Variants in FSIP2 observed in about 807,000 individuals in gnomAD.
FSIP2 encodes fibrous sheath interacting protein 2, also known as fibrous sheath-interacting protein 2.
A neutral mutation model predicts 510.5 loss-of-function variants in FSIP2; 367 were observed. That is an observed-to-expected ratio of 0.72 (90% CI 0.66 to 0.78). The LOEUF is 0.78. Ranked by LOEUF, FSIP2 falls within the 30% of genes least tolerant of loss-of-function variation. The pLI, the probability that FSIP2 is intolerant of heterozygous loss-of-function variation, is 0.00. For synonymous variants in FSIP2, 2,601 were observed against 2,732.2 expected (o/e 0.95, Z 1.50); for missense variants, 7,594 against 7,901.7 (o/e 0.96, Z 1.48).
In FSIP2 at chr2:185,740,413, A is replaced by G. The variant is rs528802729; in HGVS notation, c.225+942A>G. 5 of 152,342 alleles carry G rather than the reference A, an allele frequency of 3.3e-5. No homozygotes were observed. In the East Asian group the frequency reaches 7.7e-4, roughly 23 times the overall value. 9.4% of individuals were successfully genotyped at this position (152,342 alleles called of 1,614,324 possible). ...TCCCCAGCCTTTGACTAAGTAGTCA[A>G]TGCTGAAGGAGGTTTAGTACATTCT... is the stretch of plus-strand genomic sequence containing the variant. On this transcript the variant is annotated intron_variant, in intron 2 of 22. Transcript: ENST00000424728.
chr2:185,819,826 T>C (rs952662999), intron 19 of FSIP2, among the ~76,000 whole-genome samples: 1 of 120,546 alleles, frequency 8.3e-6, no homozygotes, highest in African/African-American at 3.1e-5. Context: ...ATGTGTTAAA[T>C]GCATTTTCAA....
At chr2:185,752,780 T>C (rs1263611492) in intron 7 of FSIP2, among the ~76,000 whole-genome samples, 2 of 151,428 alleles carry the variant, frequency 1.3e-5, no homozygotes, top group Admixed American at 1.3e-4. Flanking sequence ...CATTTTTGAG[T>C]CCATTTCAGT....
chr2:185,802,937 T>C lies in FSIP2; in HGVS notation c.13631T>C (p.Val4544Ala). 1 of 1,515,846 alleles carries C rather than the reference T, an allele frequency of 6.6e-7. No homozygotes were observed. Among genetic ancestry groups the C allele is most frequent in the African/African-American group, 1.4e-5 (1 of 71,856 alleles). 93.9% of individuals were successfully genotyped at this position (1,515,846 alleles called of 1,614,324 possible). ...TCAGAAGATGATATTCAGCACCTTG[T>C]TGATTCAGTATTTGCAAATGTTGTG... is the stretch of plus-strand genomic sequence containing the variant. ...IYSEDDIQHL[V>A]DSVFANVVQT... Residue 4544 changes from valine (V) to alanine (A), a missense_variant, in exon 17 of 23, where the codon GTT becomes GCT. Coordinates refer to ENST00000424728, the MANE Select transcript of FSIP2 (RefSeq NM_173651.4).
chr2:185,746,477 T>C (rs2105533392), intron 5 of FSIP2, among the ~76,000 whole-genome samples, 192 bp from the exon 6 acceptor site: 1 of 152,180 alleles, frequency 6.6e-6, no homozygotes, highest in East Asian at 1.9e-4. Context: ...TTATAATAAG[T>C]AAAACATGGT....
intron 13 of FSIP2, among the ~76,000 whole-genome samples, chr2:185,768,930 C>T (rs911578793): frequency 6.6e-6 from 1 of 152,154 alleles, no homozygotes; most frequent in Non-Finnish European, 1.5e-5. Context: ...TGGCCTCCAG[C>T]TCCATCCATG....
chr2:185,746,185 T>C (rs749512229), intron 5 of FSIP2, among the ~76,000 whole-genome samples: 48 of 152,114 alleles, frequency 3.2e-4, no homozygotes, highest in Non-Finnish European at 6.6e-4. Context: ...ATAATACATA[T>C]TGATGTACCA....
At chr2:185,764,855 G>A (rs906740316) in intron 13 of FSIP2, 3 of 251,626 alleles carry the variant, frequency 1.2e-5, no homozygotes, top group African/African-American at 6.7e-5. Flanking sequence ...AATTTAGAAA[G>A]AGACTGCGTT....
At position 185,794,967 on chromosome 2, in the gene FSIP2, C is replaced by G; in HGVS notation, c.7831C>G (p.Gln2611Glu). ...ISQAYSYVDS[Q>E]NISVMENTLL... Reference sequence around the variant, plus strand: ...ACAGGCTTATTCTTATGTCGACAGTCAAAATATCTCTGTGATGGAAAACAC... The same window carrying G: ...ACAGGCTTATTCTTATGTCGACAGTGAAAATATCTCTGTGATGGAAAACAC... Residue 2611 changes from glutamine (Q) to glutamate (E), a missense_variant, in exon 16 of 23, where the codon CAA (glutamine) becomes GAA (glutamate). Coordinates refer to ENST00000424728, the MANE Select transcript of FSIP2 (RefSeq NM_173651.4). 1 of 1,533,270 alleles carries G rather than the reference C, an allele frequency of 6.5e-7. No homozygotes were observed. The highest frequency in any genetic ancestry group is 2.4e-5 in the East Asian group (1 of 40,844). 95.0% of individuals were successfully genotyped at this position (1,533,270 alleles called of 1,614,324 possible). A position where few individuals can be genotyped will look rare whatever the true frequency, so the allele number is the denominator to read the frequency against.
rs1464528436 is a variant in FSIP2 at position 185,802,447 on chromosome 2, G to A, written c.13141G>A (p.Ala4381Thr). Residue 4381 changes from alanine (A) to threonine (T), a missense_variant, in exon 17 of 23, where the codon GCT (alanine) becomes ACT (threonine). Transcript: ENST00000424728. ...ACTTGCCACCTCAGTTTATAGAAAT[G>A]CTTTAAAGCAGCATGGGCTAGACCT... The part of the protein sequence containing the change: ...DELATSVYRN[A>T]LKQHGLDLAV... The A allele has an allele frequency of 2.0e-6, 3 of 1,533,980 alleles. No homozygotes were observed. The African/African-American group carries it at 4.1e-5, about 21-fold the overall frequency.
intron 15 of FSIP2, 33 bp downstream of exon 15, chr2:185,786,321 A>T: frequency 5.7e-6 from 8 of 1,411,774 alleles, no homozygotes; most frequent in Non-Finnish European, 6.7e-6. Flanking sequence ...AGAAAGCAAC[A>T]TATTAGTCAT....
intron 8 of FSIP2, among the ~76,000 whole-genome samples, chr2:185,754,800 C>T (rs1450778956): frequency 6.6e-6 from 1 of 151,410 alleles, no homozygotes; most frequent in East Asian, 1.9e-4. Flanking sequence ...AAGTCCAATC[C>T]TGTTTCATCA....
rs141912708 is a variant in FSIP2, at chr2:185,757,857, G to A, written c.1078+1579G>A. On this transcript the variant is annotated intron_variant, in intron 9 of 22. Transcript: ENST00000424728. Reference sequence around the variant, plus strand: ...TGTACAATTACATGTATAAACAGATGTATAGATTTGTGTAACCAATATCAC... The same window carrying A: ...TGTACAATTACATGTATAAACAGATATATAGATTTGTGTAACCAATATCAC... Among the ~76,000 whole-genome samples, 39 of 151,356 alleles carry A rather than the reference G, an allele frequency of 2.6e-4. No individual in the cohort carries two copies. The East Asian group carries it at 7.4e-3, about 29-fold the overall frequency.
chr2:185,738,263 T>G, upstream of FSIP2: 1 of 276,172 alleles, frequency 3.6e-6, no homozygotes, highest in Non-Finnish European at 7.0e-6. Context: ...GCTGGATGGT[T>G]GAGGAGAAAG....
In FSIP2 at chr2:185,794,125, T is replaced by C. The variant is rs190341850; in HGVS notation, c.6989T>C (p.Phe2330Ser). The C allele has an allele frequency of 3.7e-5, 56 of 1,532,210 alleles. No individual in the cohort carries two copies. In the Admixed American group the frequency reaches 7.9e-4, roughly 22 times the overall value. The allele number at this position is 1,532,210 out of a possible 1,614,324, so 94.9% of individuals were successfully genotyped here. The part of the protein sequence containing the change: ...ILSQELTDFT[F>S]VGRREKLGST... ...AGCCAAGAGCTTACAGATTTCACTTTTGTTGGTCGCAGAGAAAAACTTGGA... is the reference window on the plus strand; with the variant it reads ...AGCCAAGAGCTTACAGATTTCACTTCTGTTGGTCGCAGAGAAAAACTTGGA... Residue 2330 changes from phenylalanine (F) to serine (S), a missense_variant, in exon 16 of 23, where the codon TTT (phenylalanine) becomes TCT (serine). By Grantham distance (155) the Phe-to-Ser change is radical. Transcript: ENST00000424728.
chr2:185,753,147 G>T lies in FSIP2; in HGVS notation c.871-575G>T, dbSNP rs931991109. 2.0e-5 allele frequency among the ~76,000 whole-genome samples: 3 copies of T among 151,288 alleles called. No individual in the cohort carries two copies. In the South Asian group the frequency reaches 6.2e-4, roughly 31 times the overall value. On this transcript the variant is annotated intron_variant, in intron 7 of 22. Coordinates refer to ENST00000424728, the MANE Select transcript of FSIP2 (RefSeq NM_173651.4). ...CATGTTTTCTATCCCTAGATAGGTT[G>T]CAGTGACTGTTTTCTCCAGTCCTTT...
intron 20 of FSIP2, among the ~76,000 whole-genome samples, chr2:185,827,525 C>T (rs551467947): frequency 9.2e-5 from 14 of 151,940 alleles, no homozygotes; most frequent in African/African-American, 2.9e-4. Flanking sequence ...TTAGCTGCTT[C>T]CCTTGCAGTG....
Position 185,806,656 on chromosome 2 carries a change from G to A in FSIP2, c.17350G>A (p.Ala5784Thr), listed in dbSNP as rs774274371. The A allele has an allele frequency of 1.0e-5, 16 of 1,603,086 alleles. No homozygotes were observed. The East Asian group carries it at 1.1e-4, about 11-fold the overall frequency. ...QRESKPGIFP[A>T]KFLEDVITEM... ...AGAAAGTAAACCTGGAATTTTTCCC[G>A]CTAAGTTTTTAGAAGATGTTATTAC... The change falls in exon 17 of 23, where the codon GCT (alanine) becomes ACT (threonine). Residue 5784 changes from alanine (A) to threonine (T), a missense_variant. Physicochemically the swap from Ala to Thr is moderately conservative, Grantham distance 58 (BLOSUM62 0). Coordinates refer to ENST00000424728, the MANE Select transcript of FSIP2 (RefSeq NM_173651.4).
chr2:185,805,935 C>T lies in FSIP2; in HGVS notation c.16629C>T (p.Thr5543=), dbSNP rs755981186. 16 of 1,587,928 alleles carry T rather than the reference C, an allele frequency of 1.0e-5. No individual in the cohort carries two copies. In the East Asian group the frequency reaches 2.2e-4, roughly 22 times the overall value. ...SENVSKVTST[T]TVKSKDTQEP... is the part of the protein sequence containing the mutation. ...ATGTATCAAAAGTTACTTCAACTACCACTGTGAAAAGTAAAGATACTCAGG... is the reference window on the plus strand; with the variant it reads ...ATGTATCAAAAGTTACTTCAACTACTACTGTGAAAAGTAAAGATACTCAGG... The change falls in exon 17 of 23, where the codon ACC becomes ACT. Residue 5543 remains threonine, a synonymous_variant. Transcript: ENST00000424728.
rs554703453 is a variant in FSIP2, at chr2:185,796,437, A to C, written c.9301A>C (p.Ile3101Leu). 6.5e-7 allele frequency: 1 copy of C among 1,534,802 alleles called. No homozygotes were observed. Among genetic ancestry groups the C allele is most frequent in the Middle Eastern group, 1.7e-4 (1 of 5,976 alleles). Residue 3101 changes from isoleucine to leucine, a missense_variant, in exon 16 of 23, where the codon ATA (isoleucine) becomes CTA (leucine). Ile to Leu is a conservative substitution (Grantham distance 5). Coordinates refer to ENST00000424728, the MANE Select transcript of FSIP2 (RefSeq NM_173651.4). ...AATTAAGAACAAGCTAGACAACGAAATAAGCCAAATGGAACCATCTTCAAT... is the reference window on the plus strand; with the variant it reads ...AATTAAGAACAAGCTAGACAACGAACTAAGCCAAATGGAACCATCTTCAAT... ...AVIKNKLDNE[I>L]SQMEPSSISI...
Sources: gnomAD v4.1 joint callset for allele counts (sites outside exome capture counted in the v4.1 genomes callset) on GRCh38, gnomAD v4.1.1 for gene constraint, MANE v1.5 for transcripts, NCBI Gene and HGNC (gene_info 2026-07-23, HGNC 2026-07-21) for gene names.